Variants in PCSK9 observed in about 807,000 individuals in gnomAD.
PCSK9 encodes proprotein convertase subtilisin/kexin type 9.
Under a neutral mutation model 62.1 loss-of-function variants are expected in PCSK9, and 57 were observed. The ratio of observed to expected loss-of-function variants is 0.92; its 90% CI spans 0.74 to 1.14. The LOEUF (loss-of-function observed/expected upper bound fraction) is 1.14. PCSK9 is among the 50% of genes most tolerant of loss of function. The pLI, the probability that PCSK9 is intolerant of heterozygous loss-of-function variation, is 0.00. For missense variants in PCSK9, 870 were observed against 959.8 expected (o/e 0.91, Z 1.24); for synonymous variants, 387 against 409.4 (o/e 0.95, Z 0.66).
chr1:55,052,504 A>G, intron 4 of PCSK9, 93 bp downstream of exon 4: 1 of 1,570,384 alleles, frequency 6.4e-7, no homozygotes, highest in Non-Finnish European at 8.7e-7. Context: ...TTGCAGCTGT[A>G]CTCCTGGGTT....
chr1:55,063,456 G>C lies in PCSK9; in HGVS notation c.1951G>C (p.Asp651His). The C allele has an allele frequency of 2.5e-6, 4 of 1,614,142 alleles. No individual in the cohort carries two copies. The highest frequency in any genetic ancestry group is 3.4e-6 in the Non-Finnish European group (4 of 1,180,020). ...CCACGTCCTGGGGGCCTACGCCGTA[G>C]ACAACACGTGTGTAGTCAGGAGCCG... ...TSHVLGAYAV[D>H]NTCVVRSRDV... Residue 651 changes from aspartate (D) to histidine (H), a missense_variant, in exon 12 of 12, where the codon GAC (aspartate) becomes CAC (histidine). By Grantham distance (81) the Asp-to-His change is moderately conservative (BLOSUM62 -1). Coordinates refer to ENST00000302118, the MANE Select transcript of PCSK9 (RefSeq NM_174936.4).
rs762110607 is a variant in PCSK9 at position 55,057,309 on chromosome 1, A to C, written c.997-22A>C. On this transcript the variant is annotated intron_variant, in intron 6 of 11. Transcript: ENST00000302118. ...CCTCTCTTGGGCTCCTTTCTCTGCC[A>C]CCCACCTCCTCACCTTTCCAGGTCA... 36 of 1,610,576 alleles carry C rather than the reference A, an allele frequency of 2.2e-5. No homozygotes were observed. In the African/African-American group the frequency reaches 4.3e-4, roughly 19 times the overall value.
intron 6 of PCSK9, among the ~76,000 whole-genome samples, chr1:55,056,890 G>A (rs1306735700): frequency 6.6e-6 from 1 of 152,102 alleles, no homozygotes; most frequent in East Asian, 1.9e-4. Flanking sequence ...CGTTGGGGGT[G>A]GGGGTTGCAG....
chr1:55,055,254 CAAG>C (rs902521504), intron 5 of PCSK9, among the ~76,000 whole-genome samples: 2 of 152,142 alleles, frequency 1.3e-5, no homozygotes, highest in Non-Finnish European at 2.9e-5. Flanking sequence ...AGACTCTGTT[CAAG>C]TTTGTGTGGG....
At position 55,039,942 on chromosome 1, in the gene PCSK9, C is replaced by T. The variant is rs533474523; in HGVS notation, c.105C>T (p.Asp35=). 5.7e-6 allele frequency: 9 copies of T among 1,573,698 alleles called. No homozygotes were observed. The South Asian group carries it at 9.3e-5, about 16-fold the overall frequency. Residue 35 remains aspartate, a synonymous_variant, in exon 1 of 12, where the codon GAC becomes GAT. Coordinates refer to ENST00000302118, the MANE Select transcript of PCSK9 (RefSeq NM_174936.4). ...GCGCCCGTGCGCAGGAGGACGAGGACGGCGACTACGAGGAGCTGGTGCTAG... is the reference window on the plus strand; with the variant it reads ...GCGCCCGTGCGCAGGAGGACGAGGATGGCGACTACGAGGAGCTGGTGCTAG... ...PAGARAQEDE[D]GDYEELVLAL...
chr1:55,061,612 C>T, intron 11 of PCSK9, 56 bp downstream of exon 11: 2 of 1,545,834 alleles, frequency 1.3e-6, no homozygotes, highest in Non-Finnish European at 8.8e-7. Context: ...TCCTGCACAG[C>T]TTTTCTGTGT....
chr1:55,057,649 A>G, intron 7 of PCSK9, 135 bp downstream of exon 7: 1 of 1,111,474 alleles, frequency 9.0e-7, no homozygotes, highest in South Asian at 1.4e-5. Context: ...GGTGCCTTCA[A>G]GGACACTCAG....
chr1:55,063,711 T>A lies in PCSK9; in HGVS notation c.*127T>A. On this transcript the variant is annotated 3_prime_UTR_variant, in exon 12 of 12. Coordinates refer to ENST00000302118, the MANE Select transcript of PCSK9 (RefSeq NM_174936.4). The stretch of plus-strand genomic sequence containing the variant: ...CGAGGGGATGGGGATGCTTCCGCCT[T>A]TCCGGGGCTGCTGGCCTGGCCCTTG... 1 of 1,163,632 alleles carries A rather than the reference T, an allele frequency of 8.6e-7. No individual in the cohort carries two copies. Among genetic ancestry groups the A allele is most frequent in the Non-Finnish European group, 1.2e-6 (1 of 842,034 alleles). 72.1% of individuals were successfully genotyped at this position (1,163,632 alleles called of 1,614,324 possible). A position where few individuals can be genotyped will look rare whatever the true frequency, so the allele number is the denominator to read the frequency against.
rs1373460416 is a variant in PCSK9, at chr1:55,052,312, C to T, written c.558C>T (p.Asp186=). 6 of 1,613,960 alleles carry T rather than the reference C, an allele frequency of 3.7e-6. No homozygotes were observed. The highest frequency in any genetic ancestry group is 2.2e-5 in the South Asian group (2 of 91,066). ...GGSLVEVYLL[D]TSIQSDHREI... ...GCCTGGTGGAGGTGTATCTCCTAGACACCAGCATACAGAGTGACCACCGGG... is the reference window on the plus strand; with the variant it reads ...GCCTGGTGGAGGTGTATCTCCTAGATACCAGCATACAGAGTGACCACCGGG... Residue 186 remains aspartate, a synonymous_variant, in exon 4 of 12, where the codon GAC becomes GAT. Coordinates refer to ENST00000302118, the MANE Select transcript of PCSK9 (RefSeq NM_174936.4).
chr1:55,041,697 G>T (rs1644598957), intron 1 of PCSK9, among the ~76,000 whole-genome samples: 1 of 152,224 alleles, frequency 6.6e-6, no homozygotes. Context: ...GAGGCCCAGA[G>T]AGAGGAGGTC....
chr1:55,062,096 C>A (rs1281625271), intron 11 of PCSK9, among the ~76,000 whole-genome samples: 1 of 152,204 alleles, frequency 6.6e-6, no homozygotes, highest in African/African-American at 2.4e-5. Flanking sequence ...GGTGCCTGAG[C>A]TGCATGCTGA....
Position 55,058,222 on chromosome 1 carries a change from G to T in PCSK9, c.1354+13G>T. 1 of 1,609,456 alleles carries T rather than the reference G, an allele frequency of 6.2e-7. No individual in the cohort carries two copies. Among genetic ancestry groups the T allele is most frequent in the Non-Finnish European group, 8.5e-7 (1 of 1,177,464 alleles). On this transcript the variant is annotated intron_variant, in intron 8 of 11. Coordinates refer to ENST00000302118, the MANE Select transcript of PCSK9 (RefSeq NM_174936.4). ...ACCCATGGGGCAGGTAAGCAGGATG[G>T]CAGGGTGGGCAAGTCCAGGCTGGGG...
In PCSK9 at chr1:55,061,496, C is replaced by T; in HGVS notation, c.1803C>T (p.Cys601=). 1 of 1,605,318 alleles carries T rather than the reference C, an allele frequency of 6.2e-7. No individual in the cohort carries two copies. The highest frequency in any genetic ancestry group is 8.5e-7 in the Non-Finnish European group (1 of 1,176,458). The stretch of plus-strand genomic sequence containing the variant: ...AGGCCAGCATCCACGCTTCCTGCTG[C>T]CATGCCCCAGGTCTGGAATGCAAAG... ...HREASIHASC[C]HAPGLECKVK... The change falls in exon 11 of 12, where the codon TGC becomes TGT. Residue 601 remains cysteine (C), a synonymous_variant. Coordinates refer to ENST00000302118, the MANE Select transcript of PCSK9 (RefSeq NM_174936.4).
In PCSK9 at chr1:55,056,176, C is replaced by T. The variant is rs1196402654; in HGVS notation, c.983C>T (p.Ala328Val). Residue 328 changes from alanine (A) to valine (V), a missense_variant, in exon 6 of 12, where the codon GCC becomes GTC. By Grantham distance (64) the Ala-to-Val change is moderately conservative. Coordinates refer to ENST00000302118, the MANE Select transcript of PCSK9 (RefSeq NM_174936.4). ...GACGATGCCTGCCTCTACTCCCCAG[C>T]CTCAGCTCCCGAGGTAGGTGCTGGG... The part of the protein sequence containing the change: ...FRDDACLYSP[A>V]SAPEVITVGA... 1 of 1,484,988 alleles carries T rather than the reference C, an allele frequency of 6.7e-7. No individual in the cohort carries two copies. The highest frequency in any genetic ancestry group is 1.4e-5 in the South Asian group (1 of 73,886). The allele number at this position is 1,484,988 out of a possible 1,614,324, so 92.0% of individuals were successfully genotyped here.
chr1:55,052,315 C>G lies in PCSK9; in HGVS notation c.561C>G (p.Thr187=). 1 of 1,613,932 alleles carries G rather than the reference C, an allele frequency of 6.2e-7. No homozygotes were observed. The highest frequency in any genetic ancestry group is 8.5e-7 in the Non-Finnish European group (1 of 1,180,016). Residue 187 remains threonine, a synonymous_variant, in exon 4 of 12, where the codon ACC becomes ACG. Coordinates refer to ENST00000302118, the MANE Select transcript of PCSK9 (RefSeq NM_174936.4). The part of the protein sequence containing the change: ...GSLVEVYLLD[T]SIQSDHREIE... ...TGGTGGAGGTGTATCTCCTAGACAC[C>G]AGCATACAGAGTGACCACCGGGAAA... is the stretch of plus-strand genomic sequence containing the variant.
intron 2 of PCSK9, among the ~76,000 whole-genome samples, 184 bp downstream of exon 2, chr1:55,044,218 G>A (rs1054821609): frequency 6.6e-6 from 1 of 152,212 alleles, no homozygotes; most frequent in African/African-American, 2.4e-5. Context: ...CTTTAAGCCT[G>A]GCCATGCCCC....
At position 55,052,643 on chromosome 1, in the gene PCSK9, C is replaced by T. The variant is rs2483205; in HGVS notation, c.658-7C>T. ...TTTCTCATGTGGTCCTTGTGTTCGT[C>T]GAGCAGGCCAGCAAGTGTGACAGTC... On this transcript the variant is annotated splice_region_variant and splice_polypyrimidine_tract_variant and intron_variant, in intron 4 of 11. Coordinates refer to ENST00000302118, the MANE Select transcript of PCSK9 (RefSeq NM_174936.4). 0.44 allele frequency: 702,213 copies of T among 1,612,178 alleles called. 154,963 individuals carry two copies. Among genetic ancestry groups the T allele is most frequent in the African/African-American group, 0.49 (36,915 of 74,978 alleles).
intron 6 of PCSK9, among the ~76,000 whole-genome samples, chr1:55,057,118 C>T (rs1178793840): frequency 1.3e-5 from 2 of 152,216 alleles, no homozygotes; most frequent in Non-Finnish European, 2.9e-5. Flanking sequence ...GGGAATGCTG[C>T]CTGGCTATGG....
chr1:55,043,988 T>C lies in PCSK9; in HGVS notation c.353T>C (p.Leu118Pro). 1 of 1,614,230 alleles carries C rather than the reference T, an allele frequency of 6.2e-7. No homozygotes were observed. Among genetic ancestry groups the C allele is most frequent in the East Asian group, 2.2e-5 (1 of 44,882 alleles). ...LTKILHVFHG[L>P]LPGFLVKMSG... ...AAGATCCTGCATGTCTTCCATGGCC[T>C]TCTTCCTGGCTTCCTGGTGAAGATG... is the stretch of plus-strand genomic sequence containing the variant. The change falls in exon 2 of 12, where the codon CTT (leucine) becomes CCT (proline). Residue 118 changes from leucine to proline, a missense_variant. Leu to Pro is a moderately conservative substitution (Grantham distance 98). Transcript: ENST00000302118.
Sources: gnomAD v4.1 joint callset for allele counts (sites outside exome capture counted in the v4.1 genomes callset) on GRCh38, gnomAD v4.1.1 for gene constraint, MANE v1.5 for transcripts, NCBI Gene and HGNC (gene_info 2026-07-23, HGNC 2026-07-21) for gene names.